The following KIAA1191 variants were observed in gnomAD, a reference collection of about 807,000 sequenced individuals.
KIAA1191 encodes putative monooxygenase p33MONOX.
A neutral mutation model predicts 31.1 loss-of-function variants in KIAA1191; 22 were observed. That is an observed-to-expected ratio of 0.71 (90% CI 0.51 to 1.01). The LOEUF (loss-of-function observed/expected upper bound fraction) is 1.01, where lower values mean the gene tolerates loss of function less well. Ranked by LOEUF, KIAA1191 falls within the 50% of genes least tolerant of loss-of-function variation. The pLI, the probability that KIAA1191 is intolerant of heterozygous loss-of-function variation, is 0.00. For missense variants in KIAA1191, 319 were observed against 388.0 expected, an observed-to-expected ratio of 0.82 and a Z score of 1.49; for synonymous variants, 130 against 143.9, an observed-to-expected ratio of 0.90 and a Z score of 0.69.
chr5:176,348,344 G>T lies in KIAA1191; in HGVS notation c.472C>A (p.Gln158Lys), dbSNP rs906559090. The change falls in exon 7 of 9, where the codon CAG becomes AAG. Residue 158 changes from glutamine to lysine, a missense_variant. Gln to Lys is a moderately conservative substitution (Grantham distance 53). Coordinates refer to ENST00000298569, the MANE Select transcript of KIAA1191 (RefSeq NM_020444.5). The stretch of plus-strand genomic sequence containing the variant: ...TCTTCTTTTGTTACCTCTCCACTCT[G>T]TAACTTTAGTTTCTGCTCAGATGGG... ...VAEALHKLKLQSGEVTKEERQ... is the reference protein window; with the variant it reads ...VAEALHKLKLKSGEVTKEERQ... 1.2e-6 allele frequency: 2 copies of T among 1,612,964 alleles called. No individual in the cohort carries two copies. Among genetic ancestry groups the T allele is most frequent in the Non-Finnish European group, 1.7e-6 (2 of 1,179,554 alleles).
chr5:176,360,311 C>T (rs1362585123), intron 1 of KIAA1191, among the ~76,000 whole-genome samples: 4 of 151,918 alleles, frequency 2.6e-5, no homozygotes, highest in African/African-American at 9.7e-5. Flanking sequence ...CGTCTGCCAC[C>T]ACGCCTGGCT....
At chr5:176,357,988 A>G (rs1451459278) in intron 3 of KIAA1191, among the ~76,000 whole-genome samples, 2 of 152,182 alleles carry the variant, frequency 1.3e-5, no homozygotes, top group African/African-American at 4.8e-5. Context: ...TAATCTTCAC[A>G]ACCCCGAGAG....
At position 176,355,264 on chromosome 5, in the gene KIAA1191, AACCATC is replaced by A. The variant is rs1249169116; in HGVS notation, c.207+301_207+306del. ...AAAAAAAAAGGAGGGAGATTTAAAA[AACCATC>A]TATTGGGTACACTGTACACTATTCG... On this transcript the variant is annotated intron_variant, in intron 4 of 8. Transcript: ENST00000298569. This position sits in a 1 kb window ranked among gnomAD's most constrained non-coding sequence, Gnocchi z 4.2. Among the ~76,000 whole-genome samples, 2 of 152,100 alleles carry A rather than the reference AACCATC, an allele frequency of 1.3e-5. No individual in the cohort carries two copies. Among genetic ancestry groups the A allele is most frequent in the Non-Finnish European group, 2.9e-5 (2 of 68,008 alleles).
rs1254098377 is a variant in KIAA1191, at chr5:176,347,616, G to T, written c.902C>A (p.Thr301Lys). The part of the protein sequence containing the change: ...NLKPRDLNVL[T>K]PTGF ...AAGAGGGCTCTAGAAGCCAGTGGGT[G>T]TGAGCACATTCAGGTCACGGGGTTT... Residue 301 changes from threonine to lysine, a missense_variant, in exon 9 of 9, where the codon ACA (threonine) becomes AAA (lysine). Transcript: ENST00000298569. The T allele has an allele frequency of 6.6e-7, 1 of 1,518,090 alleles. No homozygotes were observed. The highest frequency in any genetic ancestry group is 2.3e-5 in the East Asian group (1 of 43,856). The allele number at this position is 1,518,090 out of a possible 1,614,324, so 94.0% of individuals were successfully genotyped here.
rs186052260 is a variant in KIAA1191 at position 176,359,137 on chromosome 5, G to A, written c.28+344C>T. Among the ~76,000 whole-genome samples the A allele has an allele frequency of 4.1e-3, 586 of 143,782 alleles. 3 individuals are homozygous for A. The highest frequency in any genetic ancestry group is 0.014 in the African/African-American group (549 of 38,438). The allele number at this position is 143,782 out of a possible 152,430, so 94.3% of individuals were successfully genotyped here. The stretch of plus-strand genomic sequence containing the variant: ...AGTTCCAGACCAGCCTGGCCAATAT[G>A]GTGAAACCCCGTCTCTACAAAAAAT... On this transcript the variant is annotated intron_variant, in intron 3 of 8. Coordinates refer to ENST00000298569, the MANE Select transcript of KIAA1191 (RefSeq NM_020444.5).
At chr5:176,349,262 G>A (rs1283265405) in intron 6 of KIAA1191, among the ~76,000 whole-genome samples, 4 of 152,122 alleles carry the variant, frequency 2.6e-5, no homozygotes, top group East Asian at 1.9e-4. Context: ...AAAGGCTGCC[G>A]GTGCCCCTCT....
rs1250124339 is a variant in KIAA1191, at chr5:176,361,293, G to A, written c.-168+309C>T. 1 of 152,402 alleles carries A rather than the reference G, an allele frequency of 6.6e-6. No homozygotes were observed. Among genetic ancestry groups the A allele is most frequent in the Non-Finnish European group, 1.5e-5 (1 of 68,160 alleles). The allele number at this position is 152,402 out of a possible 1,614,324, so 9.4% of individuals were successfully genotyped here. On this transcript the variant is annotated intron_variant, in intron 1 of 8. Coordinates refer to ENST00000298569, the MANE Select transcript of KIAA1191 (RefSeq NM_020444.5). This position sits in a 1 kb window ranked among gnomAD's most constrained non-coding sequence, Gnocchi z 4.0. ...CCAGGACCCTAGCCGAAGGCGGGGT[G>A]TGGGGAGATGAGGTTGAGGACAAGC...
intron 4 of KIAA1191, chr5:176,353,090 C>G (rs1232148493): frequency 5.3e-6 from 1 of 188,880 alleles, no homozygotes; most frequent in East Asian, 1.3e-4. Flanking sequence ...CTGACCACAT[C>G]CCAGGCACTA....
intron 5 of KIAA1191, 140 bp from the exon 6 acceptor site, chr5:176,350,877 A>G: frequency 9.8e-7 from 1 of 1,020,014 alleles, no homozygotes; most frequent in South Asian, 1.7e-5. Context: ...TTCCCCAGAG[A>G]GGCACCACAG....
intron 6 of KIAA1191, 97 bp downstream of exon 6, chr5:176,350,516 G>T: frequency 6.9e-7 from 1 of 1,459,112 alleles, no homozygotes; most frequent in Non-Finnish European, 9.4e-7. Flanking sequence ...TAACTCCACA[G>T]CCCCCAACTA....
rs1767812889 is a variant in KIAA1191, at chr5:176,359,549, C to CG, written c.-42dup. On this transcript the variant is annotated 5_prime_UTR_variant, in exon 3 of 9. Coordinates refer to ENST00000298569, the MANE Select transcript of KIAA1191 (RefSeq NM_020444.5). The stretch of plus-strand genomic sequence containing the variant: ...CAGGTGCTTTTTCTATACAGAATTC[C>CG]GAGCTGAGTCCCTGCCACCTAATAA... The CG allele has an allele frequency of 6.6e-7, 1 of 1,520,370 alleles. No homozygotes were observed. Among genetic ancestry groups the CG allele is most frequent in the Admixed American group, 1.7e-5 (1 of 59,850 alleles). The allele number at this position is 1,520,370 out of a possible 1,614,324, so 94.2% of individuals were successfully genotyped here.
At position 176,350,637 on chromosome 5, in the gene KIAA1191, G is replaced by A. The variant is rs1766912830; in HGVS notation, c.435C>T (p.Tyr145=). 6 of 1,614,072 alleles carry A rather than the reference G, an allele frequency of 3.7e-6. No homozygotes were observed. Among genetic ancestry groups the A allele is most frequent in the South Asian group, 1.1e-5 (1 of 91,078 alleles). Residue 145 remains tyrosine (Y), a synonymous_variant, in exon 6 of 9, where the codon TAC becomes TAT. Transcript: ENST00000298569. ...HKGLTTEETK[Y]LRVAEALHKL... Reference sequence around the variant, plus strand: ...CGTGGAGTGCTTCGGCCACTCGAAGGTACTTGGTCTCCTCGGTGGTGAGGC... The same window carrying A: ...CGTGGAGTGCTTCGGCCACTCGAAGATACTTGGTCTCCTCGGTGGTGAGGC...
chr5:176,352,894 A>T lies in KIAA1191; in HGVS notation c.208-146T>A. On this transcript the variant is annotated intron_variant, in intron 4 of 8. Transcript: ENST00000298569. Reference sequence around the variant, plus strand: ...TTGAAGGGAGGAGTTGGTCATCTCCACCCAGCTAGATAGGTATTATCCATA... The same window carrying T: ...TTGAAGGGAGGAGTTGGTCATCTCCTCCCAGCTAGATAGGTATTATCCATA... 6.4e-6 allele frequency: 5 copies of T among 786,852 alleles called. 1 individual carries two copies. Among genetic ancestry groups the T allele is most frequent in the South Asian group, 5.7e-5 (3 of 52,184 alleles). The allele number at this position is 786,852 out of a possible 1,614,324, so 48.7% of individuals were successfully genotyped here.
chr5:176,355,735 C>T lies in KIAA1191; in HGVS notation c.43G>A (p.Ala15Thr). The change falls in exon 4 of 9, where the codon GCG (alanine) becomes ACG (threonine). Residue 15 changes from alanine (A) to threonine (T), a missense_variant. Coordinates refer to ENST00000298569, the MANE Select transcript of KIAA1191 (RefSeq NM_020444.5). The surrounding 1 kb of genome is among the most constrained non-coding windows in gnomAD (Gnocchi z 4.2). Reference protein sequence around the residue: ...QPEVPALEASAPLGKMSLPIG... With the variant: ...QPEVPALEASTPLGKMSLPIG... ...GGCAGGGACATCTTGCCTAGAGGCG[C>T]ACTAGCCTCAAGAGCTAAGAACAGA... 2 of 1,614,062 alleles carry T rather than the reference C, an allele frequency of 1.2e-6. No homozygotes were observed. The highest frequency in any genetic ancestry group is 1.7e-6 in the Non-Finnish European group (2 of 1,180,032).
chr5:176,358,290 C>G (rs1767672834), intron 3 of KIAA1191, among the ~76,000 whole-genome samples: 1 of 152,228 alleles, frequency 6.6e-6, no homozygotes, highest in Non-Finnish European at 1.5e-5. Context: ...AAGAACTGCA[C>G]AACTTATTCT....
intron 5 of KIAA1191, 128 bp from the exon 6 acceptor site, chr5:176,350,865 CTT>C (rs1289611320): frequency 1.7e-6 from 2 of 1,178,826 alleles, no homozygotes; most frequent in African/African-American, 1.5e-5. Flanking sequence ...GAAGAGGAGA[CTT>C]TCCCCAGAGA....
At chr5:176,359,059 G>C (rs1767750393) in intron 3 of KIAA1191, among the ~76,000 whole-genome samples, 1 of 143,496 alleles carries the variant, frequency 7.0e-6, no homozygotes, top group African/African-American at 2.6e-5. Context: ...ACTCCAGCCT[G>C]GGCGACAGAG....
chr5:176,352,218 C>T (rs79750493), intron 5 of KIAA1191, among the ~76,000 whole-genome samples: 1,637 of 152,054 alleles, frequency 0.011, 17 homozygotes, highest in Non-Finnish European at 0.017. Flanking sequence ...GGATGTTTCC[C>T]CTTCTCCAGC....
chr5:176,351,887 A>T (rs1005796040), intron 5 of KIAA1191, among the ~76,000 whole-genome samples: 1 of 152,192 alleles, frequency 6.6e-6, no homozygotes, highest in African/African-American at 2.4e-5. Flanking sequence ...TTCTGACTTC[A>T]AAAATGAGCC....
Sources: allele counts gnomAD v4.1 joint callset (sites outside exome capture counted in the v4.1 genomes callset), GRCh38; gene constraint gnomAD v4.1.1; non-coding constraint Gnocchi (gnomAD v3.1); transcripts MANE v1.5; gene names NCBI Gene and HGNC (gene_info 2026-07-23, HGNC 2026-07-21).